Variants in OR52N4 observed in about 807,000 individuals in gnomAD.
OR52N4 encodes the protein olfactory receptor family 52 subfamily N member 4.
Under a neutral mutation model 15.0 loss-of-function variants are expected in OR52N4, and 15 were observed. That is an observed-to-expected ratio of 1.00 (90% CI 0.67 to 1.54). OR52N4 has a LOEUF of 1.54. Among genes scored for constraint, OR52N4 ranks in the 40% most tolerant of loss-of-function variants. The pLI, the probability that OR52N4 is intolerant of heterozygous loss-of-function variation, is 0.00. For synonymous variants in OR52N4, 143 were observed against 143.7 expected, an observed-to-expected ratio of 1.00 and a Z score of 0.03; for missense variants, 421 against 394.0, an observed-to-expected ratio of 1.07 and a Z score of -0.58.
chr11:5,731,274 A>T, the OR52N4 span, among the ~76,000 whole-genome samples: 48 of 152,334 alleles, frequency 3.2e-4, no homozygotes, highest in African/African-American at 1.1e-3. Flanking sequence ...TGAGGGTCGG[A>T]TAAGTTCCTA....
chr11:5,754,611 A>G (rs1234313641), intron 1 of OR52N4, 82 bp from the exon 2 acceptor site: 5 of 960,302 alleles, frequency 5.2e-6, no homozygotes, highest in Non-Finnish European at 7.5e-6. Context: ...ATTAAAATGC[A>G]TTATGGAATT....
At chr11:5,746,692 G>A in the OR52N4 span, among the ~76,000 whole-genome samples, 3 of 152,112 alleles carry the variant, frequency 2.0e-5, no homozygotes, top group Non-Finnish European at 2.9e-5. Context: ...TATATACTGT[G>A]AGCGGGAATG....
At chr11:5,735,210 A>T in the OR52N4 span, among the ~76,000 whole-genome samples, 3 of 152,110 alleles carry the variant, frequency 2.0e-5, no homozygotes, top group Admixed American at 2.0e-4. Flanking sequence ...ATTGGAAATA[A>T]AATGCCTTGA....
the OR52N4 span, among the ~76,000 whole-genome samples, chr11:5,731,423 A>G: frequency 6.6e-6 from 1 of 152,222 alleles, no homozygotes; most frequent in Non-Finnish European, 1.5e-5. Context: ...TTGATGTAAT[A>G]CAGTAAAGGG....
chr11:5,737,025 T>A, the OR52N4 span: 1 of 1,614,172 alleles, frequency 6.2e-7, no homozygotes, highest in East Asian at 2.2e-5. Flanking sequence ...CCAGTGCCTG[T>A]GCTTGCAGCA....
Position 5,755,557 on chromosome 11 carries a change from C to T in OR52N4, c.817C>T (p.Pro273Ser), listed in dbSNP as rs758365622. The change falls in exon 2 of 2, where the codon CCT becomes TCT. Residue 273 changes from proline (P) to serine (S), a missense_variant. Physicochemically the swap from Pro to Ser is moderately conservative, Grantham distance 74. Coordinates refer to ENST00000641350, the MANE Select transcript of OR52N4 (RefSeq NM_001005175.5). Reference protein sequence around the residue: ...SHRFGEHIIPPSCHIIVANIY... With the variant: ...SHRFGEHIIPSSCHIIVANIY... ...CCGCTTTGGGGAACACATAATCCCC[C>T]CTTCTTGCCACATCATTGTAGCCAA... 30 of 1,613,784 alleles carry T rather than the reference C, an allele frequency of 1.9e-5. 1 individual carries two copies. The South Asian group carries it at 3.0e-4, about 16-fold the overall frequency.
chr11:5,744,839 T>G, the OR52N4 span, among the ~76,000 whole-genome samples: 3 of 152,166 alleles, frequency 2.0e-5, no homozygotes, highest in South Asian at 6.2e-4. Context: ...GAGGATCTCT[T>G]GAACCTGGGA....
At chr11:5,733,025 C>T in the OR52N4 span, among the ~76,000 whole-genome samples, 1 of 152,138 alleles carries the variant, frequency 6.6e-6, no homozygotes, top group South Asian at 2.1e-4. Flanking sequence ...CTATATCCAT[C>T]CATTTCTCTA....
the OR52N4 span, among the ~76,000 whole-genome samples, chr11:5,731,458 G>T: frequency 6.6e-6 from 1 of 152,198 alleles, no homozygotes; most frequent in African/African-American, 2.4e-5. Context: ...CAGAATTGTT[G>T]TGTACGTCTC....
chr11:5,731,271 C>T, the OR52N4 span, among the ~76,000 whole-genome samples: 4 of 152,232 alleles, frequency 2.6e-5, no homozygotes, highest in African/African-American at 7.2e-5. Context: ...TGCTGAGGGT[C>T]GGATAAGTTC....
At chr11:5,741,442 C>T in the OR52N4 span, among the ~76,000 whole-genome samples, 2 of 152,136 alleles carry the variant, frequency 1.3e-5, no homozygotes, top group Non-Finnish European at 2.9e-5. Flanking sequence ...AGTGGTAATG[C>T]CTGAGTTGCC....
At chr11:5,731,753 C>G in the OR52N4 span, among the ~76,000 whole-genome samples, 1 of 152,222 alleles carries the variant, frequency 6.6e-6, no homozygotes, top group Admixed American at 6.5e-5. Context: ...TTTTCAGCAA[C>G]CATATGCTCT....
At chr11:5,726,538 T>C in the OR52N4 span, 1 of 24,280 alleles carries the variant, frequency 4.1e-5, no homozygotes, top group Admixed American at 6.6e-4. Flanking sequence ...TGACCCTTCT[T>C]GTCTTCTTCC....
the OR52N4 span, among the ~76,000 whole-genome samples, chr11:5,735,139 T>C: frequency 6.6e-6 from 1 of 152,076 alleles, no homozygotes; most frequent in African/African-American, 2.4e-5. Context: ...CCTTTGAACA[T>C]AGCTTTCCAG....
At chr11:5,754,230 C>A (rs921366242), upstream of OR52N4, 4 of 151,852 alleles carry the variant, frequency 2.6e-5, no homozygotes. Flanking sequence ...GCCTGAGTAC[C>A]CAAGAATAAA....
At chr11:5,733,345 T>C in the OR52N4 span, among the ~76,000 whole-genome samples, 2 of 152,138 alleles carry the variant, frequency 1.3e-5, no homozygotes, top group African/African-American at 4.8e-5. Flanking sequence ...ACCAGACACA[T>C]TGTTGTAACA....
rs1369086777 is a variant in OR52N4, at chr11:5,755,580, C to T, written c.840C>T (p.Ala280=). ...CCCCTTCTTGCCACATCATTGTAGC[C>T]AATATTTATCTGCTCCTACCACCCA... The part of the protein sequence containing the change: ...IIPPSCHIIV[A]NIYLLLPPTM... Residue 280 remains alanine (A), a synonymous_variant, in exon 2 of 2, where the codon GCC becomes GCT. Coordinates refer to ENST00000641350, the MANE Select transcript of OR52N4 (RefSeq NM_001005175.5). The T allele has an allele frequency of 1.2e-6, 2 of 1,613,712 alleles. No homozygotes were observed. Among genetic ancestry groups the T allele is most frequent in the Admixed American group, 3.3e-5 (2 of 59,968 alleles).
At chr11:5,747,310 A>G in the OR52N4 span, among the ~76,000 whole-genome samples, 15 of 152,030 alleles carry the variant, frequency 9.9e-5, no homozygotes, top group South Asian at 3.1e-3. Context: ...ATCTAAAAAA[A>G]TAAATAAAAT....
At chr11:5,745,342 G>A in the OR52N4 span, among the ~76,000 whole-genome samples, 10 of 152,008 alleles carry the variant, frequency 6.6e-5, no homozygotes, top group Non-Finnish European at 1.0e-4. Context: ...AAGTGACATC[G>A]GTAGCATTTC....
Sources: gnomAD v4.1 joint callset for allele counts (sites outside exome capture counted in the v4.1 genomes callset) on GRCh38, gnomAD v4.1.1 for gene constraint, MANE v1.5 for transcripts, NCBI Gene and HGNC (gene_info 2026-07-23, HGNC 2026-07-21) for gene names.